PPFIBP1: variants seen among roughly 807,000 people sequenced by gnomAD.
The protein encoded by PPFIBP1 is PPFIB scaffold protein 1.
Under a neutral mutation model 137.8 loss-of-function variants are expected in PPFIBP1, and 112 were observed. The ratio of observed to expected loss-of-function variants is 0.81; its 90% CI spans 0.70 to 0.95. PPFIBP1 has a LOEUF of 0.95. Ranked by LOEUF, PPFIBP1 falls within the 40% of genes least tolerant of loss-of-function variation. PPFIBP1 has a pLI of 0.00. For synonymous variants in PPFIBP1, 378 were observed against 417.3 expected, an observed-to-expected ratio of 0.91 and a Z score of 1.15; for missense variants, 1,083 against 1,196.6, an observed-to-expected ratio of 0.91 and a Z score of 1.40.
intron 13 of PPFIBP1, among the ~76,000 whole-genome samples, chr12:27,670,915 G>A (rs2060156672): frequency 6.6e-6 from 1 of 151,988 alleles, no homozygotes; most frequent in South Asian, 2.1e-4. Flanking sequence ...GGGTGAAACT[G>A]ATGGATGCCT....
In PPFIBP1 at chr12:27,691,936, C is replaced by T. The variant is rs371746225; in HGVS notation, c.2865+8C>T. 1 of 1,590,970 alleles carries T rather than the reference C, an allele frequency of 6.3e-7. No homozygotes were observed. On this transcript the variant is annotated splice_region_variant and intron_variant, in intron 28 of 29. Coordinates refer to ENST00000228425, the MANE Select transcript of PPFIBP1 (RefSeq NM_003622.4). ...TTGGACCGGTTAGAGCAGGTAAATCCAACACTGTATAACTTTTTGCGAGTT... is the reference window on the plus strand; with the variant it reads ...TTGGACCGGTTAGAGCAGGTAAATCTAACACTGTATAACTTTTTGCGAGTT...
rs111228822 is a variant in PPFIBP1 at position 27,674,012 on chromosome 12, A to C, written c.1381-180A>C. Among the ~76,000 whole-genome samples the C allele has an allele frequency of 3.2e-4, 49 of 152,360 alleles. 3 individuals carry two copies. Among genetic ancestry groups the C allele is most frequent in the African/African-American group, 1.2e-3 (49 of 41,588 alleles). On this transcript the variant is annotated intron_variant, in intron 16 of 29. Coordinates refer to ENST00000228425, the MANE Select transcript of PPFIBP1 (RefSeq NM_003622.4). The stretch of plus-strand genomic sequence containing the variant: ...AGTATGAATATGAAGGATTGAAAAT[A>C]GTATGTAAAACCAAAAATGGAGACT...
At chr12:27,644,989 G>A (rs1220559429) in intron 4 of PPFIBP1, among the ~76,000 whole-genome samples, 2 of 151,848 alleles carry the variant, frequency 1.3e-5, no homozygotes, top group Non-Finnish European at 2.9e-5. Context: ...GCATTTATTG[G>A]AAAGATAGAA....
intron 1 of PPFIBP1, among the ~76,000 whole-genome samples, chr12:27,556,545 T>TG (rs2048717969): frequency 6.6e-6 from 1 of 152,224 alleles, no homozygotes; most frequent in African/African-American, 2.4e-5. Flanking sequence ...GAATTCATGA[T>TG]GGAGTCTCAT....
chr12:27,568,151 G>A (rs758580078), intron 1 of PPFIBP1, among the ~76,000 whole-genome samples: 141 of 152,182 alleles, frequency 9.3e-4, no homozygotes, highest in Non-Finnish European at 1.6e-3. Context: ...AAAAGTTACA[G>A]CCCTTGATGG....
chr12:27,682,242 A>G (rs1593355043), intron 22 of PPFIBP1, 145 bp from the exon 23 acceptor site: 1 of 659,106 alleles, frequency 1.5e-6, no homozygotes, highest in South Asian at 1.9e-5. Context: ...TTGTTCAACA[A>G]CACTTTACTA....
intron 4 of PPFIBP1, chr12:27,635,637 C>T (rs1241646671): frequency 6.2e-6 from 1 of 162,082 alleles, no homozygotes; most frequent in African/African-American, 2.4e-5. Flanking sequence ...CATTTATGCG[C>T]AGTGTTCCAT....
At position 27,664,477 on chromosome 12, in the gene PPFIBP1, T is replaced by C. The variant is rs773133737; in HGVS notation, c.991+31T>C. On this transcript the variant is annotated intron_variant, in intron 12 of 29. Transcript: ENST00000228425. Reference sequence around the variant, plus strand: ...GTGTAGCTCTAAAAGTTTTTCTACTTTGGTTGACTCTAAGTGGCTATAAAC... The same window carrying C: ...GTGTAGCTCTAAAAGTTTTTCTACTCTGGTTGACTCTAAGTGGCTATAAAC... The C allele has an allele frequency of 3.4e-5, 47 of 1,373,318 alleles. No homozygotes were observed. The Admixed American group carries it at 7.2e-4, about 21-fold the overall frequency. The allele number at this position is 1,373,318 out of a possible 1,614,324, so 85.1% of individuals were successfully genotyped here.
chr12:27,679,249 G>A (rs1415931777), intron 19 of PPFIBP1, among the ~76,000 whole-genome samples: 1 of 152,120 alleles, frequency 6.6e-6, no homozygotes, highest in Non-Finnish European at 1.5e-5. Flanking sequence ...AAAGAATGTG[G>A]CAATCCTATC....
chr12:27,604,627 C>T (rs1787060693), intron 2 of PPFIBP1, among the ~76,000 whole-genome samples: 1 of 152,234 alleles, frequency 6.6e-6, no homozygotes, highest in South Asian at 2.1e-4. Flanking sequence ...GGGAGGCTCC[C>T]TGCCTCTCGC....
At position 27,647,767 on chromosome 12, in the gene PPFIBP1, G is replaced by C. The variant is rs759582515; in HGVS notation, c.396G>C (p.Glu132Asp). 1 of 1,610,830 alleles carries C rather than the reference G, an allele frequency of 6.2e-7. No homozygotes were observed. The highest frequency in any genetic ancestry group is 1.3e-5 in the African/African-American group (1 of 74,716). The change falls in exon 6 of 30, where the codon GAG becomes GAC. Residue 132 changes from glutamate to aspartate, a missense_variant. By Grantham distance (45) the Glu-to-Asp change is conservative (BLOSUM62 2). Transcript: ENST00000228425. Reference protein sequence around the residue: ...VLTDQVEAQGEKIRDLEFCLE... With the variant: ...VLTDQVEAQGDKIRDLEFCLE... ...CAGACCAGGTGGAGGCTCAGGGAGA[G>C]AAGATTCGAGATTTGGAGTTTTGTC...
At chr12:27,635,604 A>G (rs1317524311) in intron 4 of PPFIBP1, 2 of 171,574 alleles carry the variant, frequency 1.2e-5, no homozygotes, top group Non-Finnish European at 2.5e-5. Flanking sequence ...CCCGAATTAA[A>G]TTGTGGAGTT....
At chr12:27,568,313 A>T (rs1275105994) in intron 1 of PPFIBP1, among the ~76,000 whole-genome samples, 1 of 152,224 alleles carries the variant, frequency 6.6e-6, no homozygotes, top group African/African-American at 2.4e-5. Context: ...TTTAATCTCA[A>T]AAAGTACTGC....
chr12:27,624,117 A>T (rs2056596858), intron 2 of PPFIBP1, among the ~76,000 whole-genome samples: 1 of 152,054 alleles, frequency 6.6e-6, no homozygotes, highest in Non-Finnish European at 1.5e-5. Context: ...ATGTCATGGC[A>T]CAGAGGTGAG....
At chr12:27,563,536 G>A (rs1473150463) in intron 1 of PPFIBP1, among the ~76,000 whole-genome samples, 2 of 151,406 alleles carry the variant, frequency 1.3e-5, no homozygotes, top group African/African-American at 4.9e-5. Flanking sequence ...GGCACAAAGA[G>A]AAAAGACTTG....
rs541673147 is a variant in PPFIBP1, at chr12:27,641,940, A to G, written c.271-4122A>G. On this transcript the variant is annotated intron_variant, in intron 4 of 29. Coordinates refer to ENST00000228425, the MANE Select transcript of PPFIBP1 (RefSeq NM_003622.4). ...TGTTTTCACTATATTAAATCTTGCA[A>G]CTGCAAAAATAAATAAATAAATAAA... 1.2e-3 allele frequency among the ~76,000 whole-genome samples: 178 copies of G among 144,688 alleles called. 1 individual carries two copies. The highest frequency in any genetic ancestry group is 4.5e-3 in the African/African-American group (173 of 38,628). The allele number at this position is 144,688 out of a possible 152,430, so 94.9% of individuals were successfully genotyped here. A position where few individuals can be genotyped will look rare whatever the true frequency, so the allele number is the denominator to read the frequency against.
At chr12:27,644,564 C>T (rs138210258) in intron 4 of PPFIBP1, among the ~76,000 whole-genome samples, 220 of 152,174 alleles carry the variant, frequency 1.4e-3, no homozygotes, top group African/African-American at 4.9e-3. Context: ...TGAGAACATG[C>T]GTTATTCATC....
Position 27,528,690 on chromosome 12 carries a change from CA to C in PPFIBP1, c.-124+4334del, listed in dbSNP as rs969696015. 5.3e-5 allele frequency among the ~76,000 whole-genome samples: 8 copies of C among 150,090 alleles called. No homozygotes were observed. The South Asian group carries it at 6.3e-4, about 12-fold the overall frequency. On this transcript the variant is annotated intron_variant, in intron 1 of 29. Transcript: ENST00000228425. ...AGTGGTGAGCATTTTTTTTCCACTT[CA>C]AAAAAAAACCTAACATACCAGACAA... is the stretch of plus-strand genomic sequence containing the variant.
chr12:27,612,283 A>ACTGGCAT (rs1301849541), intron 2 of PPFIBP1, among the ~76,000 whole-genome samples: 2 of 146,310 alleles, frequency 1.4e-5, no homozygotes, highest in Non-Finnish European at 3.0e-5. Context: ...TCTGCAGCAC[A>ACTGGCAT]CTGGCATCAG....
Sources: allele counts gnomAD v4.1 joint callset (sites outside exome capture counted in the v4.1 genomes callset), GRCh38; gene constraint gnomAD v4.1.1; transcripts MANE v1.5; gene names NCBI Gene and HGNC (gene_info 2026-07-23, HGNC 2026-07-21).